DDX3X: variants seen among roughly 807,000 people sequenced by gnomAD.
DDX3X encodes DEAD-box helicase 3 X-linked.
A neutral mutation model predicts 52.7 loss-of-function variants in DDX3X; 4 were observed. The ratio of observed to expected loss-of-function variants is 0.08; its 90% CI spans 0.04 to 0.17. The LOEUF is 0.17. Ranked by LOEUF, DDX3X falls within the 10% of genes least tolerant of loss-of-function variation. The pLI is 1.00. For synonymous variants in DDX3X, 192 were observed against 178.1 expected (o/e 1.08, Z -0.62); for missense variants, 222 against 548.6 (o/e 0.40, Z 5.95).
At position 41,345,567 on chromosome X, in the gene DDX3X, T is replaced by G. The variant is rs774983103; in HGVS notation, c.1315+19T>G. 12 of 1,176,489 alleles carry G rather than the reference T, an allele frequency of 1.0e-5. No individual in the cohort carries two copies. In the South Asian group the frequency reaches 2.2e-4, roughly 22 times the overall value. The stretch of plus-strand genomic sequence containing the variant: ...GCAACAGGTAACATTATGAATTTTT[T>G]ATTTTATTAGACATGGGGGTTTCTC... On this transcript the variant is annotated intron_variant, in intron 12 of 16. Coordinates refer to ENST00000644876, the MANE Select transcript of DDX3X (RefSeq NM_001356.5).
At position 41,334,283 on chromosome X, in the gene DDX3X, G is replaced by A; in HGVS notation, c.31G>A (p.Gly11Arg). 8.3e-7 allele frequency: 1 copy of A among 1,211,390 alleles called. No individual in the cohort carries two copies. Among genetic ancestry groups the A allele is most frequent in the Non-Finnish European group, 1.1e-6 (1 of 895,185 alleles). The change falls in exon 1 of 17, where the codon GGG (glycine) becomes AGG (arginine). Residue 11 changes from glycine to arginine, a missense_variant. By Grantham distance (125) the Gly-to-Arg change is moderately radical. This residue lies in a region of DDX3X where 93 missense variants were observed against 123.7 expected (regional missense o/e 0.75). Coordinates refer to ENST00000644876, the MANE Select transcript of DDX3X (RefSeq NM_001356.5). ...TCATGTGGCAGTGGAAAATGCGCTCGGGCTGGACCAGCAGGTGAGCCGCAA... is the reference window on the plus strand; with the variant it reads ...TCATGTGGCAGTGGAAAATGCGCTCAGGCTGGACCAGCAGGTGAGCCGCAA... MSHVAVENALGLDQQFAGLDL... is the reference protein window; with the variant it reads MSHVAVENALRLDQQFAGLDL...
In DDX3X at chrX:41,345,553, C is replaced by T. The variant is rs368731454; in HGVS notation, c.1315+5C>T. The T allele has an allele frequency of 1.3e-5, 15 of 1,188,817 alleles. No individual in the cohort carries two copies. The highest frequency in any genetic ancestry group is 1.6e-5 in the Non-Finnish European group (14 of 884,683). Reference sequence around the variant, plus strand: ...TTGACCTCCTAAATGCAACAGGTAACATTATGAATTTTTTATTTTATTAGA... The same window carrying T: ...TTGACCTCCTAAATGCAACAGGTAATATTATGAATTTTTTATTTTATTAGA... On this transcript the variant is annotated splice_donor_5th_base_variant and intron_variant, in intron 12 of 16. Coordinates refer to ENST00000644876, the MANE Select transcript of DDX3X (RefSeq NM_001356.5).
chrX:41,359,527 G>A (rs1237286172), intron 5 of DDX3X, among the ~76,000 whole-genome samples: 1 of 102,929 alleles, frequency 9.7e-6, no homozygotes, highest in African/African-American at 3.6e-5. Flanking sequence ...AACCCAGGAG[G>A]CAGAGGTTGC....
In DDX3X at chrX:41,339,026, ATT is replaced by A; in HGVS notation, c.104-4_104-3del. 1.1e-6 allele frequency: 1 copy of A among 897,706 alleles called. No individual in the cohort carries two copies. Among genetic ancestry groups the A allele is most frequent in the Non-Finnish European group, 1.5e-6 (1 of 685,666 alleles). The allele number at this position is 897,706 out of a possible 1,213,427, so 74.0% of individuals were successfully genotyped here. ...TTTAATTAATTTTATATATATATAT[ATT>A]TTTTTAGAAGGGCGCTATATTCCTC... On this transcript the variant is annotated splice_polypyrimidine_tract_variant and splice_region_variant and intron_variant, in intron 2 of 16. Coordinates refer to ENST00000644876, the MANE Select transcript of DDX3X (RefSeq NM_001356.5).
intron 3 of DDX3X, chrX:41,339,365 A>G (rs2063815651): frequency 6.9e-6 from 1 of 144,001 alleles, no homozygotes; most frequent in African/African-American, 3.1e-5. Context: ...GTAATCATTC[A>G]CAGCATGGTT....
In DDX3X at chrX:41,348,695, GCA is replaced by G. The variant is rs1001879814; in HGVS notation, c.*977_*978del. Reference sequence around the variant, plus strand: ...CCTGGATGATTTTTGGTCTAATAACGCATGCTAGTGTTGATGTTTTTTGGTCA... The same window carrying G: ...CCTGGATGATTTTTGGTCTAATAACGTGCTAGTGTTGATGTTTTTTGGTCA... On this transcript the variant is annotated 3_prime_UTR_variant, in exon 17 of 17. Transcript: ENST00000644876. 2.7e-5 allele frequency: 3 copies of G among 112,388 alleles called. No individual in the cohort carries two copies. The highest frequency in any genetic ancestry group is 9.7e-5 in the African/African-American group (3 of 30,849). The allele number at this position is 112,388 out of a possible 1,213,427, so 9.3% of individuals were successfully genotyped here. A position where few individuals can be genotyped will look rare whatever the true frequency, so the allele number is the denominator to read the frequency against.
chrX:41,347,158 G>C (rs1173099277), intron 15 of DDX3X, 146 bp downstream of exon 15: 16 of 907,659 alleles, frequency 1.8e-5, no homozygotes, highest in Non-Finnish European at 2.1e-5. Flanking sequence ...TTGGTAAGGG[G>C]TTGTATTAGA....
chrX:41,341,832 G>C (rs776274378), intron 4 of DDX3X: 1 of 346,693 alleles, frequency 2.9e-6, no homozygotes, highest in African/African-American at 2.6e-5. Flanking sequence ...TCTATTTCTC[G>C]AGTTTTATAT....
chrX:41,359,207 C>A (rs182982260), intron 5 of DDX3X, among the ~76,000 whole-genome samples: 1 of 112,689 alleles, frequency 8.9e-6, no homozygotes, highest in East Asian at 2.8e-4. Context: ...CTTTTGCCCA[C>A]CACAGGAATG....
intron 5 of DDX3X, among the ~76,000 whole-genome samples, chrX:41,362,028 C>A (rs1482318008): frequency 9.1e-6 from 1 of 109,678 alleles, no homozygotes; most frequent in Non-Finnish European, 1.9e-5. Context: ...AGTTCTATCT[C>A]CACACCTGCC....
chrX:41,350,826 A>G (rs1000353570), downstream of DDX3X: 6 of 111,982 alleles, frequency 5.4e-5, no homozygotes, highest in African/African-American at 1.9e-4. Context: ...TGCTACCACA[A>G]GTGTATAGGT....
chrX:41,356,458 T>C (rs1414112160), intron 5 of DDX3X, among the ~76,000 whole-genome samples: 1 of 87,449 alleles, frequency 1.1e-5, no homozygotes, highest in Non-Finnish European at 2.3e-5. Flanking sequence ...GTATTTCTTT[T>C]TTTTTTTTTT....
At chrX:41,347,533 T>G (rs1215438890) in intron 16 of DDX3X, 82 bp downstream of exon 16, 1 of 1,168,518 alleles carries the variant, frequency 8.6e-7, no homozygotes, top group Non-Finnish European at 1.2e-6. Flanking sequence ...ATTAAACAAT[T>G]TAAGTTCAGC....
chrX:41,357,159 C>CA (rs2147371416), intron 5 of DDX3X, among the ~76,000 whole-genome samples: 1 of 109,940 alleles, frequency 9.1e-6, no homozygotes, highest in Admixed American at 9.8e-5. Context: ...GTCTTGAACC[C>CA]CTGACCTCAG....
At chrX:41,340,228 G>C (rs2063830688) in intron 3 of DDX3X, 1 of 111,923 alleles carries the variant, frequency 8.9e-6, no homozygotes, top group Non-Finnish European at 1.9e-5. Flanking sequence ...TTCTTTTTAG[G>C]GGAGGTTACT....
chrX:41,354,344 C>CTTTTTTTTTTTTTTTTTTTTTT (rs60965317), downstream of DDX3X, among the ~76,000 whole-genome samples: 4 of 69,942 alleles, frequency 5.7e-5, 2 homozygotes, highest in Admixed American at 4.0e-4. Flanking sequence ...TGTGCTACCT[C>CTTTTTTTTTTTTTTTTTTTTTT]TTTTTTTTTT....
At chrX:41,351,285 CAT>C (rs2063983901), downstream of DDX3X, 2 of 111,824 alleles carry the variant, frequency 1.8e-5, no homozygotes, top group African/African-American at 6.5e-5. Context: ...ATTATGGTGA[CAT>C]AAATTTAGTA....
In DDX3X at chrX:41,345,186, G is replaced by C. The variant is rs2063907779; in HGVS notation, c.1032G>C (p.Leu344Phe). ...GKIGLDFCKY[L>F]VLDEADRMLD... The stretch of plus-strand genomic sequence containing the variant: ...TTTTTTCATGACATGACAGATACTT[G>C]GTGTTAGATGAAGCTGATCGGATGT... Residue 344 changes from leucine to phenylalanine, a missense_variant, in exon 11 of 17, where the codon TTG becomes TTC. Physicochemically the swap from Leu to Phe is conservative, Grantham distance 22. Coordinates refer to ENST00000644876, the MANE Select transcript of DDX3X (RefSeq NM_001356.5). 1.7e-6 allele frequency: 2 copies of C among 1,208,636 alleles called. No individual in the cohort carries two copies. The highest frequency in any genetic ancestry group is 2.2e-6 in the Non-Finnish European group (2 of 894,200).
At chrX:41,341,650 A>G (rs1173500015) in intron 4 of DDX3X, 34 bp downstream of exon 4, 14 of 1,177,579 alleles carry the variant, frequency 1.2e-5, no homozygotes, top group Non-Finnish European at 1.6e-5. Flanking sequence ...ACGTGTATGT[A>G]TAATAACAGT....
Sources: gnomAD v4.1 joint callset for allele counts (sites outside exome capture counted in the v4.1 genomes callset) on GRCh38, gnomAD v4.1.1 for gene constraint, gnomAD v4.1.1 regional missense constraint, MANE v1.5 for transcripts, NCBI Gene and HGNC (gene_info 2026-07-23, HGNC 2026-07-21) for gene names.